APOOL: variants seen among roughly 807,000 people sequenced by gnomAD.
APOOL encodes the protein apolipoprotein O like.
In APOOL, 12 loss-of-function variants were observed where a neutral mutation model predicts 23.1. That is an observed-to-expected ratio of 0.52 (90% confidence interval 0.33 to 0.84). The LOEUF is 0.84. Ranked by LOEUF, APOOL falls within the 40% of genes least tolerant of loss-of-function variation. The pLI is 0.02. For synonymous variants in APOOL, 77 were observed against 69.9 expected (o/e 1.10, Z -0.51); for missense variants, 212 against 199.6 (o/e 1.06, Z -0.37).
chrX:85,084,824 G>A (rs572762667), intron 8 of APOOL, among the ~76,000 whole-genome samples: 12 of 111,977 alleles, frequency 1.1e-4, no homozygotes, highest in African/African-American at 3.9e-4. Context: ...GTATTTAGAA[G>A]TGCTAGAGAA....
At position 85,084,134 on chromosome X, in the gene APOOL, CT is replaced by C. The variant is rs35647720; in HGVS notation, c.719-3437del. On this transcript the variant is annotated intron_variant, in intron 8 of 8. Transcript: ENST00000373173. ...TTGCTTATAAGAGCATGAGATGAAGCTTTTTTTTTTTTTTTTTTTGAGATGG... is the reference window on the plus strand; with the variant it reads ...TTGCTTATAAGAGCATGAGATGAAGCTTTTTTTTTTTTTTTTTTGAGATGG... Among the ~76,000 whole-genome samples the C allele has an allele frequency of 6.5e-3, 542 of 83,775 alleles. 1 individual carries two copies. Among genetic ancestry groups the C allele is most frequent in the African/African-American group, 0.02 (421 of 21,173 alleles). 72.7% of individuals were successfully genotyped at this position (83,775 alleles called of 115,157 possible).
At position 85,092,401 on chromosome X, in the gene APOOL, C is replaced by T. The variant is rs770631789; in HGVS notation, c.*4723C>T. 1.7e-6 allele frequency: 2 copies of T among 1,168,751 alleles called. No homozygotes were observed. On this transcript the variant is annotated 3_prime_UTR_variant, in exon 9 of 9. Transcript: ENST00000373173. ...GTTACAAAGCCTCTTTCATTCTTCCCATGCCATGTCCAGGAGTTCTTCTCT... is the reference window on the plus strand; with the variant it reads ...GTTACAAAGCCTCTTTCATTCTTCCTATGCCATGTCCAGGAGTTCTTCTCT...
intron 5 of APOOL, among the ~76,000 whole-genome samples, chrX:85,062,650 G>T (rs776338360): frequency 9.0e-6 from 1 of 111,139 alleles, no homozygotes; most frequent in East Asian, 2.8e-4. Context: ...GCTTGTTTTT[G>T]TCAGGTTTGT....
At position 85,067,651 on chromosome X, in the gene APOOL, C is replaced by G. The variant is rs755358515; in HGVS notation, c.486+433C>G. ...AAACACACACACACACACACACACA[C>G]ACACACACACACACACGCACAGGAA... On this transcript the variant is annotated intron_variant, in intron 6 of 8. Transcript: ENST00000373173. Among the ~76,000 whole-genome samples, 107 of 109,710 alleles carry G rather than the reference C, an allele frequency of 9.8e-4. 1 individual carries two copies. Among genetic ancestry groups the G allele is most frequent in the Middle Eastern group, 4.7e-3 (1 of 212 alleles).
In APOOL at chrX:85,088,316, G is replaced by GTTTTTTTTTTTTTTTTTTTTT. The variant is rs766497759; in HGVS notation, c.*647_*667dup. On this transcript the variant is annotated 3_prime_UTR_variant, in exon 9 of 9. Coordinates refer to ENST00000373173, the MANE Select transcript of APOOL (RefSeq NM_198450.6). Reference sequence around the variant, plus strand: ...TGTATGGAAAGGTGTGTTTCCCTCTGTTTTTTTTTTTTTTTTTTTTTTTTT... The same window carrying GTTTTTTTTTTTTTTTTTTTTT: ...TGTATGGAAAGGTGTGTTTCCCTCTGTTTTTTTTTTTTTTTTTTTTTTTTTTTTTTTTTTTTTTTTTTTTTT... 2.7e-4 allele frequency: 6 copies of GTTTTTTTTTTTTTTTTTTTTT among 22,528 alleles called. 2 individuals are homozygous for GTTTTTTTTTTTTTTTTTTTTT. Among genetic ancestry groups the GTTTTTTTTTTTTTTTTTTTTT allele is most frequent in the Admixed American group, 7.4e-4 (1 of 1,359 alleles). 1.9% of individuals were successfully genotyped at this position (22,528 alleles called of 1,213,427 possible). A position where few individuals can be genotyped will look rare whatever the true frequency, so the allele number is the denominator to read the frequency against.
At chrX:85,015,472 G>A (rs1273927900) in intron 1 of APOOL, among the ~76,000 whole-genome samples, 3 of 109,854 alleles carry the variant, frequency 2.7e-5, no homozygotes, top group African/African-American at 9.9e-5. Flanking sequence ...AATTGTTCTT[G>A]AATCTTTTTT....
chrX:85,052,268 A>G (rs894067625), intron 3 of APOOL, among the ~76,000 whole-genome samples: 4 of 112,229 alleles, frequency 3.6e-5, no homozygotes, highest in Non-Finnish European at 7.5e-5. Context: ...TCATAAGACC[A>G]TTCTAACTAC....
chrX:85,077,180 A>C (rs1923889634), intron 8 of APOOL, among the ~76,000 whole-genome samples: 1 of 105,516 alleles, frequency 9.5e-6, no homozygotes. Flanking sequence ...ATAGGTATAC[A>C]TGTGCCATTG....
chrX:85,078,852 A>T (rs1923964028), intron 8 of APOOL, among the ~76,000 whole-genome samples: 2 of 111,309 alleles, frequency 1.8e-5, no homozygotes, highest in African/African-American at 6.5e-5. Context: ...CTTTGTAGCA[A>T]TTGTGAATGG....
intron 1 of APOOL, among the ~76,000 whole-genome samples, chrX:85,023,619 A>G (rs181241388): frequency 1.3e-3 from 151 of 112,295 alleles, no homozygotes; most frequent in African/African-American, 4.6e-3. Flanking sequence ...CAAAAAGAAG[A>G]AAGCCAGAGG....
chrX:85,022,273 G>GC (rs36078400), intron 1 of APOOL, among the ~76,000 whole-genome samples: 1 of 111,913 alleles, frequency 8.9e-6, no homozygotes, highest in East Asian at 2.8e-4. Context: ...GCCAGACAAG[G>GC]ATACAACAAG....
Position 85,074,194 on chromosome X carries a change from G to A in APOOL, c.601-80G>A. On this transcript the variant is annotated intron_variant, in intron 7 of 8. Transcript: ENST00000373173. ...CTTGTAATGAGGGTACTGGACAGAG[G>A]TCGAGGATAAAATGAGAAAGTAGAT... is the stretch of plus-strand genomic sequence containing the variant. The A allele has an allele frequency of 1.0e-5, 12 of 1,164,970 alleles. No individual in the cohort carries two copies. In the South Asian group the frequency reaches 1.7e-4, roughly 16 times the overall value.
At chrX:85,079,841 T>C (rs995947740) in intron 8 of APOOL, among the ~76,000 whole-genome samples, 4 of 111,837 alleles carry the variant, frequency 3.6e-5, no homozygotes, top group Non-Finnish European at 7.5e-5. Flanking sequence ...GTCCAGGAAT[T>C]TATCCATTTC....
chrX:85,055,421 A>G (rs1426136262), intron 4 of APOOL, among the ~76,000 whole-genome samples: 2 of 111,327 alleles, frequency 1.8e-5, no homozygotes, highest in Non-Finnish European at 3.8e-5. Context: ...AAAACTCCTT[A>G]ATAAAGTATC....
intron 2 of APOOL, among the ~76,000 whole-genome samples, chrX:85,048,930 T>A (rs1267782079): frequency 9.0e-6 from 1 of 111,036 alleles, no homozygotes; most frequent in African/African-American, 3.3e-5. Context: ...AACCATGAAA[T>A]CTGTAGTATT....
intron 1 of APOOL, among the ~76,000 whole-genome samples, chrX:85,034,063 G>A (rs1922132006): frequency 9.0e-6 from 1 of 110,668 alleles, no homozygotes; most frequent in South Asian, 3.8e-4. Flanking sequence ...CAGGTTTTTG[G>A]CCACAAGAGA....
chrX:85,038,607 C>G (rs191424179), intron 1 of APOOL, among the ~76,000 whole-genome samples: 1 of 78,152 alleles, frequency 1.3e-5, no homozygotes, highest in African/African-American at 5.0e-5. Context: ...TTTCTGTGTT[C>G]CGAGTTTTAA....
chrX:85,029,904 C>T (rs1189806696), intron 1 of APOOL, among the ~76,000 whole-genome samples: 1 of 111,969 alleles, frequency 8.9e-6, no homozygotes, highest in Non-Finnish European at 1.9e-5. Context: ...CACTTTTACA[C>T]TGCTGGAGTG....
At chrX:85,084,886 G>A (rs1437804617) in intron 8 of APOOL, among the ~76,000 whole-genome samples, 2 of 110,958 alleles carry the variant, frequency 1.8e-5, no homozygotes, top group Middle Eastern at 4.6e-3. Flanking sequence ...TGAGATTTAC[G>A]TAAAATAATT....
Sources: allele counts gnomAD v4.1 joint callset (sites outside exome capture counted in the v4.1 genomes callset), GRCh38; gene constraint gnomAD v4.1.1; transcripts MANE v1.5; gene names NCBI Gene and HGNC (gene_info 2026-07-23, HGNC 2026-07-21).